TRIM38: variants seen among roughly 807,000 people sequenced by gnomAD.
The protein encoded by TRIM38 is tripartite motif containing 38, also known as E3 ubiquitin-protein ligase TRIM38.
TRIM38 carries 35 observed loss-of-function variants against 35.8 expected under a neutral mutation model. The ratio of observed to expected loss-of-function variants is 0.98; its 90% CI spans 0.75 to 1.30. The LOEUF is 1.30. TRIM38 is among the 50% of genes most tolerant of loss of function. The pLI is 0.00. For missense variants in TRIM38, 545 were observed against 556.9 expected, an observed-to-expected ratio of 0.98 and a Z score of 0.21; for synonymous variants, 198 against 204.7, an observed-to-expected ratio of 0.97 and a Z score of 0.28.
chr6:25,983,578 C>G lies in TRIM38; in HGVS notation c.1289C>G (p.Thr430Ser), dbSNP rs1309701967. ...GTTGTATCCTTTTATAACGGGAATACTGGCTGCCACATCTTTACTTTCCCG... is the reference window on the plus strand; with the variant it reads ...GTTGTATCCTTTTATAACGGGAATAGTGGCTGCCACATCTTTACTTTCCCG... ...AGVVSFYNGN[T>S]GCHIFTFPKA... Residue 430 changes from threonine (T) to serine (S), a missense_variant, in exon 8 of 8, where the codon ACT becomes AGT. Transcript: ENST00000357085. The G allele has an allele frequency of 3.7e-6, 6 of 1,613,982 alleles. No homozygotes were observed. The highest frequency in any genetic ancestry group is 1.7e-5 in the Admixed American group (1 of 59,988).
At position 25,989,675 on chromosome 6, in the gene TRIM38, G is replaced by C. The variant is rs564081931; in HGVS notation, c.*5988G>C. ...AGCCATCTGGTATTCTTTAGCAACT[G>C]TTTGGTAACTTAATCTTTCACTTTT... On this transcript the variant is annotated 3_prime_UTR_variant, in exon 8 of 8. Transcript: ENST00000357085. 6.6e-6 allele frequency: 1 copy of C among 151,818 alleles called. No homozygotes were observed. The highest frequency in any genetic ancestry group is 2.1e-4 in the South Asian group (1 of 4,806). 9.4% of individuals were successfully genotyped at this position (151,818 alleles called of 1,614,324 possible).
intron 7 of TRIM38, among the ~76,000 whole-genome samples, chr6:25,977,791 AATG>A (rs963893939): frequency 2.0e-5 from 3 of 152,182 alleles, no homozygotes; most frequent in Non-Finnish European, 4.4e-5. Flanking sequence ...ATAGCATTAT[AATG>A]ATGATGAAGA....
Position 25,983,694 on chromosome 6 carries a change from G to A in TRIM38, c.*7G>A. On this transcript the variant is annotated 3_prime_UTR_variant, in exon 8 of 8. Transcript: ENST00000357085. ...GCCTCCCCCAGGTGACTAAGGAAAA[G>A]AGCAGAAGCTCCTTGGTTTAACCAG... 1 of 1,560,378 alleles carries A rather than the reference G, an allele frequency of 6.4e-7. No homozygotes were observed. The highest frequency in any genetic ancestry group is 2.2e-5 in the East Asian group (1 of 44,600).
At chr6:25,977,376 A>G (rs911354045) in intron 7 of TRIM38, among the ~76,000 whole-genome samples, 1 of 152,158 alleles carries the variant, frequency 6.6e-6, no homozygotes, top group African/African-American at 2.4e-5. Context: ...GACCCTGTCT[A>G]TTAAAGGAGG....
At chr6:25,966,078 C>T (rs1581596212) in intron 2 of TRIM38, among the ~76,000 whole-genome samples, 5 of 152,154 alleles carry the variant, frequency 3.3e-5, no homozygotes, top group Admixed American at 3.3e-4. Context: ...CATTTTGTTC[C>T]TGACTGGCTG....
chr6:25,974,027 C>G (rs909410059), intron 7 of TRIM38: 1 of 224,928 alleles, frequency 4.4e-6, no homozygotes, highest in Non-Finnish European at 7.4e-6. Flanking sequence ...TCTATTAGTA[C>G]AAACAAATTA....
chr6:25,979,124 T>C (rs554908218), intron 7 of TRIM38, among the ~76,000 whole-genome samples: 1 of 152,058 alleles, frequency 6.6e-6, no homozygotes, highest in East Asian at 1.9e-4. Flanking sequence ...ATTATATATG[T>C]ATATGTTAAC....
At chr6:25,967,013 A>G in intron 3 of TRIM38, 80 bp downstream of exon 3, 1 of 1,406,428 alleles carries the variant, frequency 7.1e-7, no homozygotes, top group South Asian at 1.4e-5. Context: ...TTAACTTGAA[A>G]CCTAACATTA....
At position 25,966,507 on chromosome 6, in the gene TRIM38, C is replaced by G. The variant is rs1760049692; in HGVS notation, c.-16C>G. 6.3e-7 allele frequency: 1 copy of G among 1,575,930 alleles called. No homozygotes were observed. ...TCCATCTCTAGAGCCAATATTGGAG[C>G]TTTTCAATAAAAGCTATGGCCTCAA... On this transcript the variant is annotated 5_prime_UTR_variant, in exon 3 of 8. Transcript: ENST00000357085.
chr6:25,982,501 G>A (rs1456276232), intron 7 of TRIM38, among the ~76,000 whole-genome samples: 1 of 152,064 alleles, frequency 6.6e-6, no homozygotes, highest in African/African-American at 2.4e-5. Context: ...CTCTTAACTT[G>A]TCTTTTCTCA....
At chr6:25,965,994 G>A (rs1418041950) in intron 2 of TRIM38, among the ~76,000 whole-genome samples, 2 of 151,948 alleles carry the variant, frequency 1.3e-5, no homozygotes, top group East Asian at 3.9e-4. Context: ...TCTGAGCTAT[G>A]TGAGGTATGC....
chr6:25,969,570 T>C (rs1000611630), intron 4 of TRIM38, 150 bp downstream of exon 4: 2 of 586,970 alleles, frequency 3.4e-6, no homozygotes, highest in South Asian at 6.8e-5. Context: ...TTTGTACTTA[T>C]GCCCCTGGTT....
chr6:25,972,017 TG>T lies in TRIM38; in HGVS notation c.660del (p.Leu221Ter), dbSNP rs1272175201. 1 of 1,614,024 alleles carries T rather than the reference TG, an allele frequency of 6.2e-7. No individual in the cohort carries two copies. Among genetic ancestry groups the T allele is most frequent in the African/African-American group, 1.3e-5 (1 of 74,914 alleles). On this transcript the variant is annotated frameshift_variant, in exon 5 of 8. Transcript: ENST00000357085. LOFTEE classifies it high-confidence loss of function. ...AGACTGAGGGACTATGAGGCTGGTC[TG>T]GGGCTGAAGAGCAATGAACTCAAGA... The part of the protein sequence containing the change: ...LSRLRDYEAG[L>X]GLKSNELKSH...
At chr6:25,975,115 C>T in intron 7 of TRIM38, 2 of 966,406 alleles carry the variant, frequency 2.1e-6, no homozygotes. Flanking sequence ...TCACTGCAAG[C>T]TCCGCCTTCC....
rs751654734 is a variant in TRIM38, at chr6:25,973,241, C to T, written c.830C>T (p.Ser277Phe). The T allele has an allele frequency of 1.9e-6, 3 of 1,614,068 alleles. No homozygotes were observed. Among genetic ancestry groups the T allele is most frequent in the South Asian group, 2.2e-5 (2 of 91,074 alleles). Residue 277 changes from serine (S) to phenylalanine (F), a missense_variant, in exon 7 of 8, where the codon TCC becomes TTC. By Grantham distance (155) the Ser-to-Phe change is radical. Coordinates refer to ENST00000357085, the MANE Select transcript of TRIM38 (RefSeq NM_006355.5). The stretch of plus-strand genomic sequence containing the variant: ...GAACTTCATACTATGTGCAATGTTT[C>T]CAAGCTTTACTTCGATGTGAAGAAA... ...SLELHTMCNV[S>F]KLYFDVKKML...
chr6:25,967,569 T>A (rs1760099859), intron 3 of TRIM38, among the ~76,000 whole-genome samples: 1 of 144,954 alleles, frequency 6.9e-6, no homozygotes, highest in East Asian at 2.1e-4. Context: ...AGGGTCTTGC[T>A]CTGTATCCCA....
At chr6:25,980,830 G>C (rs1184268529) in intron 7 of TRIM38, among the ~76,000 whole-genome samples, 1 of 152,078 alleles carries the variant, frequency 6.6e-6, no homozygotes, top group Non-Finnish European at 1.5e-5. Flanking sequence ...ATATGTTTTT[G>C]TTGATGTGTC....
At position 25,990,101 on chromosome 6, in the gene TRIM38, C is replaced by T. The variant is rs1212098378; in HGVS notation, c.*6414C>T. 4 of 151,792 alleles carry T rather than the reference C, an allele frequency of 2.6e-5. No homozygotes were observed. Among genetic ancestry groups the T allele is most frequent in the Non-Finnish European group, 4.4e-5 (3 of 67,986 alleles). The allele number at this position is 151,792 out of a possible 1,614,324, so 9.4% of individuals were successfully genotyped here. On this transcript the variant is annotated 3_prime_UTR_variant, in exon 8 of 8. Transcript: ENST00000357085. ...CTTCTGGGCTCAAACAATCCTCCCTCCTTGGCCTTCCAAAGGGTTGGATAT... is the reference window on the plus strand; with the variant it reads ...CTTCTGGGCTCAAACAATCCTCCCTTCTTGGCCTTCCAAAGGGTTGGATAT...
Position 25,966,914 on chromosome 6 carries a change from A to T in TRIM38, c.392A>T (p.Asp131Val), listed in dbSNP as rs1182611170. Reference sequence around the variant, plus strand: ...GGGCACACCACAGCTCTTGTTGAAGACGTATGCCAGGGCTACAAGGTGAGT... The same window carrying T: ...GGGCACACCACAGCTCTTGTTGAAGTCGTATGCCAGGGCTACAAGGTGAGT... ...HKGHTTALVE[D>V]VCQGYKEKLQ... is the part of the protein sequence containing the mutation. Residue 131 changes from aspartate (D) to valine (V), a missense_variant, in exon 3 of 8, where the codon GAC becomes GTC. By Grantham distance (152) the Asp-to-Val change is radical (BLOSUM62 -3). Coordinates refer to ENST00000357085, the MANE Select transcript of TRIM38 (RefSeq NM_006355.5). The T allele has an allele frequency of 6.2e-7, 1 of 1,607,928 alleles. No individual in the cohort carries two copies. The highest frequency in any genetic ancestry group is 2.2e-5 in the East Asian group (1 of 44,740).
Sources: gnomAD v4.1 joint callset for allele counts (sites outside exome capture counted in the v4.1 genomes callset) on GRCh38, gnomAD v4.1.1 for gene constraint, MANE v1.5 for transcripts, NCBI Gene and HGNC (gene_info 2026-07-23, HGNC 2026-07-21) for gene names.